Variants in ZNF391 observed in about 807,000 individuals in gnomAD.
ZNF391 encodes the protein zinc finger protein 391.
For missense variants in ZNF391, 375 were observed against 425.5 expected (o/e 0.88, Z 1.04); for synonymous variants, 126 against 142.1 (o/e 0.89, Z 0.80).
At position 27,376,750 on chromosome 6, in the gene ZNF391, G is replaced by C. The variant is rs191717547; in HGVS notation, n.523+1613G>C. 4.6e-5 allele frequency among the ~76,000 whole-genome samples: 7 copies of C among 152,254 alleles called. No homozygotes were observed. The highest frequency in any genetic ancestry group is 1.7e-4 in the African/African-American group (7 of 41,542). On this transcript the variant is annotated intron_variant and non_coding_transcript_variant, in intron 1 of 2. Transcript: ENST00000477999. This position sits in a 1 kb window ranked among gnomAD's most constrained non-coding sequence, Gnocchi z 4.7. ...GCGAGCCGCTTGAAGCTACTCCGGCGGCTGAGGCAGGAGAATTGCTTGAAC... is the reference window on the plus strand; with the variant it reads ...GCGAGCCGCTTGAAGCTACTCCGGCCGCTGAGGCAGGAGAATTGCTTGAAC...
chr6:27,384,602 ATAATG>A (rs1761557999), upstream of ZNF391, among the ~76,000 whole-genome samples: 2 of 152,236 alleles, frequency 1.3e-5, no homozygotes, highest in South Asian at 4.1e-4. Context: ...AATAATAACA[ATAATG>A]TATTTACTCA....
intron 1 of ZNF391, among the ~76,000 whole-genome samples, chr6:27,375,345 G>A (rs1761400674): frequency 6.6e-6 from 1 of 152,192 alleles, no homozygotes; most frequent in African/African-American, 2.4e-5. Context: ...GGGAGGTGTA[G>A]GCATGGCGGC....
chr6:27,389,555 T>TA (rs1761657360), intron 1 of ZNF391: 1 of 414,480 alleles, frequency 2.4e-6, no homozygotes, highest in Non-Finnish European at 4.7e-6. Flanking sequence ...CTCACGCCTG[T>TA]AATCCCAGCA....
rs1225220485 is a variant in ZNF391 at position 27,390,750 on chromosome 6, T to TA, written c.-188+1675_-188+1676insA. Reference sequence around the variant, plus strand: ...ATCACAGTTTTCAAATTCATTGATGTGAGATGAGCACAGCAATAGCATCAT... The same window carrying TA: ...ATCACAGTTTTCAAATTCATTGATGTAGAGATGAGCACAGCAATAGCATCAT... On this transcript the variant is annotated intron_variant, in intron 1 of 2. Transcript: ENST00000244576. 3.9e-5 allele frequency among the ~76,000 whole-genome samples: 6 copies of TA among 152,356 alleles called. No individual in the cohort carries two copies. The East Asian group carries it at 9.6e-4, about 24-fold the overall frequency.
intron 1 of ZNF391, among the ~76,000 whole-genome samples, chr6:27,382,756 A>T (rs1761529104): frequency 6.6e-6 from 1 of 152,216 alleles, no homozygotes; most frequent in Non-Finnish European, 1.5e-5. Context: ...TGATGGCCTT[A>T]TTGGTAGACT....
upstream of ZNF391, among the ~76,000 whole-genome samples, chr6:27,386,844 G>C (rs1761590772): frequency 6.6e-6 from 1 of 152,096 alleles, no homozygotes; most frequent in South Asian, 2.1e-4. Context: ...TAATTTTCAA[G>C]TATTGCACAG....
chr6:27,401,797 T>G lies in ZNF391; in HGVS notation c.*350T>G. ...GAGTATAAAGCTATCTGACACCTTG[T>G]AGTTTCTCTGCTAATCTATTCCTTC... is the stretch of plus-strand genomic sequence containing the variant. On this transcript the variant is annotated 3_prime_UTR_variant, in exon 3 of 3. Coordinates refer to ENST00000244576, the MANE Select transcript of ZNF391 (RefSeq NM_001076781.3). The G allele has an allele frequency of 5.8e-6, 1 of 171,472 alleles. No individual in the cohort carries two copies. The highest frequency in any genetic ancestry group is 1.3e-5 in the Non-Finnish European group (1 of 79,096). 10.6% of individuals were successfully genotyped at this position (171,472 alleles called of 1,614,324 possible).
At position 27,388,941 on chromosome 6, in the gene ZNF391, C is replaced by T. The variant is rs757738327; in HGVS notation, c.-322C>T. 4 of 456,202 alleles carry T rather than the reference C, an allele frequency of 8.8e-6. No individual in the cohort carries two copies. Among genetic ancestry groups the T allele is most frequent in the South Asian group, 4.7e-5 (3 of 64,496 alleles). The allele number at this position is 456,202 out of a possible 1,614,324, so 28.3% of individuals were successfully genotyped here. A position where few individuals can be genotyped will look rare whatever the true frequency, so the allele number is the denominator to read the frequency against. On this transcript the variant is annotated 5_prime_UTR_variant, in exon 1 of 3. Transcript: ENST00000244576. ...GAGCAGCGGTTCGACGCATGGGTTT[C>T]TCTTTAATCCTTCCGACTTCCCCAA...
rs1485845311 is a variant in ZNF391 at position 27,376,507 on chromosome 6, G to T, written n.523+1370G>T. On this transcript the variant is annotated intron_variant and non_coding_transcript_variant, in intron 1 of 2. Coordinates refer to the ZNF391 transcript ENST00000477999. This position sits in a 1 kb window ranked among gnomAD's most constrained non-coding sequence, Gnocchi z 4.7. The stretch of plus-strand genomic sequence containing the variant: ...ACTGTGGTATTTTTTGGATTGGGAC[G>T]TATGTGTGTATGTGCTCTCTAACTC... 1.3e-5 allele frequency among the ~76,000 whole-genome samples: 2 copies of T among 151,360 alleles called. No homozygotes were observed. Among genetic ancestry groups the T allele is most frequent in the African/African-American group, 4.9e-5 (2 of 40,756 alleles).
rs775911386 is a variant in ZNF391, at chr6:27,400,897, G to A, written c.527G>A (p.Arg176Gln). The A allele has an allele frequency of 2.0e-5, 33 of 1,613,926 alleles. No homozygotes were observed. The highest frequency in any genetic ancestry group is 1.6e-4 in the South Asian group (15 of 91,078). The change falls in exon 3 of 3, where the codon CGG becomes CAG. Residue 176 changes from arginine (R) to glutamine (Q), a missense_variant. By Grantham distance (43) the Arg-to-Gln change is conservative. Coordinates refer to ENST00000244576, the MANE Select transcript of ZNF391 (RefSeq NM_001076781.3). ...AATGAATGTGGAAAAGCTTTTAGCCGGAGCACACATCTTAGTCTACATCAG... is the reference window on the plus strand; with the variant it reads ...AATGAATGTGGAAAAGCTTTTAGCCAGAGCACACATCTTAGTCTACATCAG... The part of the protein sequence containing the change: ...ECNECGKAFS[R>Q]STHLSLHQRI...
In ZNF391 at chr6:27,402,091, G is replaced by C. The variant is rs1000308850; in HGVS notation, c.*644G>C. 6.6e-6 allele frequency: 1 copy of C among 152,120 alleles called. No individual in the cohort carries two copies. Among genetic ancestry groups the C allele is most frequent in the African/African-American group, 2.4e-5 (1 of 41,418 alleles). 9.4% of individuals were successfully genotyped at this position (152,120 alleles called of 1,614,324 possible). On this transcript the variant is annotated 3_prime_UTR_variant, in exon 3 of 3. Coordinates refer to ENST00000244576, the MANE Select transcript of ZNF391 (RefSeq NM_001076781.3). The stretch of plus-strand genomic sequence containing the variant: ...TTTTGCAGTAGCATTTTTCCTCAAA[G>C]TACAACTCATTTTTTTACTAACGCC...
chr6:27,401,769 TTAGAG>T lies in ZNF391; in HGVS notation c.*325_*329del, dbSNP rs2113666389. 5.1e-6 allele frequency: 1 copy of T among 197,222 alleles called. No homozygotes were observed. The highest frequency in any genetic ancestry group is 1.1e-4 in the South Asian group (1 of 8,820). The allele number at this position is 197,222 out of a possible 1,614,324, so 12.2% of individuals were successfully genotyped here. On this transcript the variant is annotated 3_prime_UTR_variant, in exon 3 of 3. Transcript: ENST00000244576. ...TCTAATATTCTGAAGGGCTCCAACT[TTAGAG>T]TATAAAGCTATCTGACACCTTGTAG...
intron 1 of ZNF391, among the ~76,000 whole-genome samples, chr6:27,379,396 A>AT (rs1217676194): frequency 2.6e-5 from 4 of 152,178 alleles, no homozygotes; most frequent in Non-Finnish European, 5.9e-5. Context: ...AGAGCACAGT[A>AT]TTTTTTGTGA....
At chr6:27,384,573 G>C (rs1030868440), upstream of ZNF391, among the ~76,000 whole-genome samples, 34 of 150,954 alleles carry the variant, frequency 2.3e-4, no homozygotes, top group Admixed American at 1.8e-3. Flanking sequence ...ATTTTTAATT[G>C]ACCTAAAAGT....
chr6:27,389,567 T>G (rs951016405), intron 1 of ZNF391: 1 of 398,920 alleles, frequency 2.5e-6, no homozygotes, highest in African/African-American at 2.1e-5. Flanking sequence ...ATCCCAGCAC[T>G]TTGGGAGGCC....
At position 27,388,760 on chromosome 6, in the gene ZNF391, G is replaced by T. The variant is rs748962716; in HGVS notation, c.-503G>T. ...GCTGCTGATACGTTGCTCAGTCTCAGTGTGGTCTCTGTTTTGCAACTGGTC... is the reference window on the plus strand; with the variant it reads ...GCTGCTGATACGTTGCTCAGTCTCATTGTGGTCTCTGTTTTGCAACTGGTC... On this transcript the variant is annotated 5_prime_UTR_variant, in exon 1 of 3. Transcript: ENST00000244576. 5.0e-6 allele frequency: 2 copies of T among 397,838 alleles called. No individual in the cohort carries two copies. The highest frequency in any genetic ancestry group is 9.8e-6 in the Non-Finnish European group (2 of 204,772). The allele number at this position is 397,838 out of a possible 1,614,324, so 24.6% of individuals were successfully genotyped here. A position where few individuals can be genotyped will look rare whatever the true frequency, so the allele number is the denominator to read the frequency against.
intron 1 of ZNF391, among the ~76,000 whole-genome samples, chr6:27,398,401 C>G (rs117237468): frequency 0.026 from 4,026 of 152,206 alleles, 76 homozygotes; most frequent in South Asian, 0.071. Context: ...GCTGCTGGAG[C>G]CAGGGTACTC....
chr6:27,394,617 G>T (rs1311668834), intron 1 of ZNF391, among the ~76,000 whole-genome samples: 1 of 152,210 alleles, frequency 6.6e-6, no homozygotes, highest in Non-Finnish European at 1.5e-5. Flanking sequence ...CCCCACACAG[G>T]GTCCCCACTG....
intron 1 of ZNF391, among the ~76,000 whole-genome samples, chr6:27,382,557 A>T: frequency 6.6e-6 from 1 of 152,164 alleles, no homozygotes; most frequent in East Asian, 1.9e-4. Context: ...TATGGTGGGG[A>T]TGTTAGAATT....
Sources: gnomAD v4.1 joint callset for allele counts (sites outside exome capture counted in the v4.1 genomes callset) on GRCh38, gnomAD v4.1.1 for gene constraint, Gnocchi (gnomAD v3.1) non-coding constraint, MANE v1.5 for transcripts, NCBI Gene and HGNC (gene_info 2026-07-23, HGNC 2026-07-21) for gene names.